The following BAZ2B variants were observed in gnomAD, a reference collection of about 807,000 sequenced individuals.
BAZ2B encodes the protein bromodomain adjacent to zinc finger domain 2B.
A neutral mutation model predicts 246.0 loss-of-function variants in BAZ2B; 91 were observed. The observed-to-expected ratio is 0.37, with a 90% CI of 0.31 to 0.44. The LOEUF is 0.44. BAZ2B is among the 20% of genes least tolerant of loss of function. The pLI is 1.00. For synonymous variants in BAZ2B, 855 were observed against 860.0 expected (o/e 0.99, Z 0.10); for missense variants, 2,332 against 2,533.7 (o/e 0.92, Z 1.71).
chr2:159,647,718 G>A, the BAZ2B span, among the ~76,000 whole-genome samples: 4 of 152,010 alleles, frequency 2.6e-5, no homozygotes, highest in Non-Finnish European at 4.4e-5. Context: ...ACTGAACAAC[G>A]ACCAATAAAA....
chr2:159,382,315 T>TA (rs532136326), intron 25 of BAZ2B, among the ~76,000 whole-genome samples: 2 of 152,284 alleles, frequency 1.3e-5, no homozygotes, highest in African/African-American at 4.8e-5. Context: ...GAAATTATAT[T>TA]AAAAAAACTT....
chr2:159,572,418 G>A (rs1684248151), intron 1 of BAZ2B, among the ~76,000 whole-genome samples: 1 of 152,036 alleles, frequency 6.6e-6, no homozygotes. Flanking sequence ...TAAACTGTGG[G>A]GTCTACAATA....
At chr2:159,327,082 GCTCTGTTGCC>G (rs1553475648) in intron 34 of BAZ2B, among the ~76,000 whole-genome samples, 1 of 135,622 alleles carries the variant, frequency 7.4e-6, no homozygotes, top group Non-Finnish European at 1.5e-5. Flanking sequence ...AGGCAGTCTC[GCTCTGTTGCC>G]CAGGCTGGGA....
chr2:159,588,526 C>T (rs1688581802), intron 1 of BAZ2B, among the ~76,000 whole-genome samples: 2 of 152,102 alleles, frequency 1.3e-5, no homozygotes, highest in Non-Finnish European at 2.9e-5. Flanking sequence ...TACACACACA[C>T]ACACCCCTCT....
intron 3 of BAZ2B, among the ~76,000 whole-genome samples, chr2:159,477,037 G>A (rs1465876443): frequency 6.6e-6 from 1 of 152,184 alleles, no homozygotes; most frequent in East Asian, 1.9e-4. Flanking sequence ...TGGGCGCGGT[G>A]GCTCACGCCT....
chr2:159,575,319 A>G (rs1685047822), intron 1 of BAZ2B, among the ~76,000 whole-genome samples: 2 of 152,166 alleles, frequency 1.3e-5, no homozygotes, highest in Admixed American at 1.3e-4. Flanking sequence ...AAAAAAAACC[A>G]TGCAGAAAGG....
At chr2:159,555,164 TCACTG>T (rs1408076730) in intron 2 of BAZ2B, among the ~76,000 whole-genome samples, 1 of 149,512 alleles carries the variant, frequency 6.7e-6, no homozygotes, top group East Asian at 2.0e-4. Context: ...CAATCTCAGC[TCACTG>T]CAACCTCCAC....
the BAZ2B span, chr2:159,689,148 C>A: frequency 5.2e-6 from 2 of 385,440 alleles, no homozygotes; most frequent in Non-Finnish European, 9.5e-6. Flanking sequence ...TTGTCTAGCT[C>A]CATAAAAGCG....
intron 2 of BAZ2B, among the ~76,000 whole-genome samples, chr2:159,500,383 G>C (rs185494117): frequency 6.6e-6 from 1 of 152,224 alleles, no homozygotes; most frequent in Non-Finnish European, 1.5e-5. Context: ...CTCTGTGTTT[G>C]TTCTTATACC....
chr2:159,646,432 G>A, the BAZ2B span, among the ~76,000 whole-genome samples: 1 of 151,982 alleles, frequency 6.6e-6, no homozygotes, highest in Non-Finnish European at 1.5e-5. Context: ...TCATCACAGG[G>A]TCCTGAGGCA....
chr2:159,449,473 A>G (rs1372789473), intron 4 of BAZ2B, among the ~76,000 whole-genome samples: 1 of 152,174 alleles, frequency 6.6e-6, no homozygotes, highest in Non-Finnish European at 1.5e-5. Context: ...AATATTAAAA[A>G]CTTTTCTAGG....
intron 2 of BAZ2B, among the ~76,000 whole-genome samples, chr2:159,530,372 G>A (rs1252553742): frequency 6.6e-6 from 1 of 152,132 alleles, no homozygotes; most frequent in Non-Finnish European, 1.5e-5. Context: ...CTCTCATAGT[G>A]ACATATATTC....
At chr2:159,419,424 C>T (rs749724843) in intron 13 of BAZ2B, among the ~76,000 whole-genome samples, 10 of 152,144 alleles carry the variant, frequency 6.6e-5, no homozygotes, top group Non-Finnish European at 1.2e-4. Flanking sequence ...AGTATTATGT[C>T]TATTTCTAGC....
chr2:159,496,375 TAAA>T (rs58900011), intron 2 of BAZ2B, among the ~76,000 whole-genome samples: 90 of 58,920 alleles, frequency 1.5e-3, no homozygotes, highest in South Asian at 0.011. Context: ...AGACTCCATC[TAAA>T]AAAAAAAAAA....
At chr2:159,506,771 T>A (rs1365471231) in intron 2 of BAZ2B, among the ~76,000 whole-genome samples, 1 of 152,226 alleles carries the variant, frequency 6.6e-6, no homozygotes, top group Non-Finnish European at 1.5e-5. Context: ...AAAACTTTCC[T>A]TTTGGGATCA....
At chr2:159,688,132 C>G in the BAZ2B span, among the ~76,000 whole-genome samples, 3 of 152,122 alleles carry the variant, frequency 2.0e-5, no homozygotes, top group Admixed American at 2.0e-4. Flanking sequence ...CTTGATCTCC[C>G]TGACTCAAGC....
chr2:159,512,558 G>T (rs896192914), intron 2 of BAZ2B, among the ~76,000 whole-genome samples: 5 of 152,088 alleles, frequency 3.3e-5, no homozygotes, highest in Non-Finnish European at 7.4e-5. Context: ...CTGATAAAAT[G>T]TGTGGATTAA....
rs75765608 is a variant in BAZ2B at position 159,332,260 on chromosome 2, A to G, written c.5943+280T>C. Among the ~76,000 whole-genome samples the G allele has an allele frequency of 9.3e-3, 1,410 of 151,698 alleles. 18 individuals are homozygous for G. Among genetic ancestry groups the G allele is most frequent in the African/African-American group, 0.032 (1,313 of 41,356 alleles). On this transcript the variant is annotated intron_variant, in intron 34 of 36. Coordinates refer to ENST00000392783, the MANE Select transcript of BAZ2B (RefSeq NM_013450.4). ...TTCCAGTGACTTGGCAGGCTGAGGT[A>G]GGAAGATTGCTTGAGGCCAGGGATG... is the stretch of plus-strand genomic sequence containing the variant.
intron 34 of BAZ2B, among the ~76,000 whole-genome samples, chr2:159,330,455 G>A (rs1034633227): frequency 5.1e-4 from 77 of 152,318 alleles, no homozygotes; most frequent in African/African-American, 1.8e-3. Context: ...AAATGTAATA[G>A]GTCAGATGAC....
Sources: allele counts gnomAD v4.1 joint callset (sites outside exome capture counted in the v4.1 genomes callset), GRCh38; gene constraint gnomAD v4.1.1; transcripts MANE v1.5; gene names NCBI Gene and HGNC (gene_info 2026-07-23, HGNC 2026-07-21).